DNAH8: variants seen among roughly 807,000 people sequenced by gnomAD.
The protein encoded by DNAH8 is axonemal beta dynein heavy chain 8.
In DNAH8, 382 loss-of-function variants were observed where a neutral mutation model predicts 562.1. The ratio of observed to expected loss-of-function variants is 0.68; its 90% CI spans 0.63 to 0.74. The LOEUF (loss-of-function observed/expected upper bound fraction) is 0.74, where lower values mean the gene tolerates loss of function less well. DNAH8 is among the 30% of genes least tolerant of loss of function. The pLI is 0.00. For missense variants in DNAH8, 5,203 were observed against 5,620.4 expected, an observed-to-expected ratio of 0.93 and a Z score of 2.37; for synonymous variants, 1,881 against 1,919.4, an observed-to-expected ratio of 0.98 and a Z score of 0.52.
intron 45 of DNAH8, among the ~76,000 whole-genome samples, chr6:38,866,164 A>T (rs1287272150): frequency 6.6e-6 from 1 of 152,208 alleles, no homozygotes; most frequent in African/African-American, 2.4e-5. Flanking sequence ...ATAATTGAAG[A>T]GATGGAATAA....
intron 28 of DNAH8, among the ~76,000 whole-genome samples, chr6:38,824,269 A>C (rs1773122037): frequency 6.6e-6 from 1 of 152,206 alleles, no homozygotes. Flanking sequence ...TCTGGGCAGC[A>C]TGGAGTTGAA....
intron 26 of DNAH8, among the ~76,000 whole-genome samples, chr6:38,819,525 A>G (rs1262073895): frequency 1.3e-5 from 2 of 152,198 alleles, no homozygotes; most frequent in Non-Finnish European, 2.9e-5. Flanking sequence ...TAGGAATAAG[A>G]CAGATTTTCC....
chr6:38,777,284 CTTAAA>C (rs1397924287), intron 13 of DNAH8, among the ~76,000 whole-genome samples: 2 of 150,232 alleles, frequency 1.3e-5, no homozygotes, highest in East Asian at 3.9e-4. Context: ...CTTGTTATCT[CTTAAA>C]TTATTTTTAT....
intron 74 of DNAH8, among the ~76,000 whole-genome samples, chr6:38,927,191 G>A (rs1330074953): frequency 6.6e-6 from 1 of 152,210 alleles, no homozygotes; most frequent in African/African-American, 2.4e-5. Flanking sequence ...ATGAAAAGAA[G>A]CACTTGGTAA....
intron 24 of DNAH8, among the ~76,000 whole-genome samples, chr6:38,808,997 G>A (rs371867083): frequency 1.3e-5 from 2 of 151,836 alleles, no homozygotes; most frequent in Non-Finnish European, 1.5e-5. Flanking sequence ...GTAGATGACG[G>A]GTTGATGGGT....
chr6:38,954,095 A>G (rs1231550928), intron 82 of DNAH8, among the ~76,000 whole-genome samples: 1 of 152,162 alleles, frequency 6.6e-6, no homozygotes, highest in Non-Finnish European at 1.5e-5. Flanking sequence ...GGTTATAGAT[A>G]TTGTCTTGTA....
At chr6:38,984,510 G>A (rs1342804242) in intron 87 of DNAH8, 5 of 549,050 alleles carry the variant, frequency 9.1e-6, no homozygotes, top group Non-Finnish European at 1.3e-5. Context: ...ACCAGCAATT[G>A]GGCCAGGCAT....
intron 1 of DNAH8, among the ~76,000 whole-genome samples, chr6:38,715,950 A>AT (rs70981580): frequency 1.3e-4 from 4 of 31,246 alleles, no homozygotes; most frequent in African/African-American, 5.5e-4. Context: ...ATATATATAT[A>AT]TATATATATA....
intron 4 of DNAH8, among the ~76,000 whole-genome samples, 158 bp downstream of exon 4, chr6:38,730,144 T>G (rs1233344010): frequency 6.6e-6 from 1 of 152,258 alleles, no homozygotes; most frequent in East Asian, 1.9e-4. Flanking sequence ...CAATACATTC[T>G]CAGCCCAAAT....
At chr6:38,815,384 CTCAG>C in intron 25 of DNAH8, 80 bp from the exon 26 acceptor site, 1 of 1,136,294 alleles carries the variant, frequency 8.8e-7, no homozygotes, top group African/African-American at 1.5e-5. Flanking sequence ...GCTTGCCCCA[CTCAG>C]TGGGGAATGG....
At chr6:38,977,504 T>C (rs187686350) in intron 85 of DNAH8, among the ~76,000 whole-genome samples, 22 of 152,262 alleles carry the variant, frequency 1.4e-4, no homozygotes, top group Non-Finnish European at 2.9e-5. Flanking sequence ...TCCCTGAGAA[T>C]GTTTCAGCAT....
chr6:38,806,094 A>G (rs1339243327), intron 23 of DNAH8, among the ~76,000 whole-genome samples: 1 of 152,090 alleles, frequency 6.6e-6, no homozygotes, highest in Non-Finnish European at 1.5e-5. Flanking sequence ...GTTGAGAATG[A>G]AGGTTCAGAA....
chr6:38,879,772 C>T (rs571414404), intron 53 of DNAH8, among the ~76,000 whole-genome samples: 1 of 152,052 alleles, frequency 6.6e-6, no homozygotes, highest in Non-Finnish European at 1.5e-5. Flanking sequence ...AAGTAAAATT[C>T]TCTTTATTTG....
intron 1 of DNAH8, among the ~76,000 whole-genome samples, chr6:38,720,457 TC>T (rs141873991): frequency 6.6e-6 from 1 of 152,152 alleles, no homozygotes; most frequent in South Asian, 2.1e-4. Context: ...TTTTAGGACT[TC>T]CCCCATTTTG....
rs777481398 is a variant in DNAH8, at chr6:38,790,315, C to T, written c.2691C>T (p.Leu897=). 7 of 1,608,146 alleles carry T rather than the reference C, an allele frequency of 4.4e-6. No individual in the cohort carries two copies. Among genetic ancestry groups the T allele is most frequent in the African/African-American group, 1.3e-5 (1 of 74,608 alleles). The stretch of plus-strand genomic sequence containing the variant: ...TGGAATCTGTGTTGAGGCAAGGACT[C>T]ACAGTGTTAACATGGTCGTCTTTAA... ...KKVESVLRQG[L]TVLTWSSLTL... Residue 897 remains leucine (L), a synonymous_variant, in exon 20 of 93, where the codon CTC becomes CTT. Coordinates refer to ENST00000327475, the MANE Select transcript of DNAH8 (RefSeq NM_001206927.2).
intron 85 of DNAH8, among the ~76,000 whole-genome samples, chr6:38,978,730 AT>A (rs1561936889): frequency 6.6e-6 from 1 of 152,236 alleles, no homozygotes; most frequent in Admixed American, 6.5e-5. Context: ...CTAACGTAAA[AT>A]TGGAAATGGC....
intron 13 of DNAH8, among the ~76,000 whole-genome samples, chr6:38,777,236 A>G (rs917226139): frequency 2.0e-5 from 3 of 152,152 alleles, no homozygotes; most frequent in Non-Finnish European, 4.4e-5. Context: ...AAATGCTTCG[A>G]AAGTTAAATC....
intron 36 of DNAH8, among the ~76,000 whole-genome samples, 162 bp from the exon 37 acceptor site, chr6:38,848,486 A>G (rs1775473756): frequency 6.6e-6 from 1 of 152,228 alleles, no homozygotes; most frequent in Admixed American, 6.5e-5. Flanking sequence ...ATTCATGAAA[A>G]GCAACAGTTT....
At position 38,984,194 on chromosome 6, in the gene DNAH8, C is replaced by T. The variant is rs1483989562; in HGVS notation, c.12952-12C>T. The T allele has an allele frequency of 1.4e-6, 2 of 1,448,164 alleles. No individual in the cohort carries two copies. The highest frequency in any genetic ancestry group is 1.4e-5 in the African/African-American group (1 of 71,168). 89.7% of individuals were successfully genotyped at this position (1,448,164 alleles called of 1,614,324 possible). A position where few individuals can be genotyped will look rare whatever the true frequency, so the allele number is the denominator to read the frequency against. On this transcript the variant is annotated splice_polypyrimidine_tract_variant and intron_variant, in intron 86 of 92. Coordinates refer to ENST00000327475, the MANE Select transcript of DNAH8 (RefSeq NM_001206927.2). ...GTTGACAATTAATAATCCTTTTTTA[C>T]TTTTAATAAAGGGTGTATCATGGAA...
Sources: gnomAD v4.1 joint callset for allele counts (sites outside exome capture counted in the v4.1 genomes callset) on GRCh38, gnomAD v4.1.1 for gene constraint, MANE v1.5 for transcripts, NCBI Gene and HGNC (gene_info 2026-07-23, HGNC 2026-07-21) for gene names.